The following STX8 variants were observed in gnomAD, a reference collection of about 807,000 sequenced individuals.
STX8 encodes syntaxin 8, also known as syntaxin-8.
A neutral mutation model predicts 37.5 loss-of-function variants in STX8; 23 were observed. The ratio of observed to expected loss-of-function variants is 0.61; its 90% CI spans 0.44 to 0.87. STX8 has a LOEUF of 0.87. Among genes scored for constraint, STX8 ranks in the 40% least tolerant of loss-of-function variants. STX8 has a pLI of 0.00. For missense variants in STX8, 313 were observed against 284.7 expected (o/e 1.10, Z -0.71); for synonymous variants, 115 against 99.1 (o/e 1.16, Z -0.95).
At chr17:9,527,826 A>G (rs1905640822) in intron 4 of STX8, among the ~76,000 whole-genome samples, 1 of 152,226 alleles carries the variant, frequency 6.6e-6, no homozygotes. Flanking sequence ...GGTGGTACCT[A>G]TTACATCTTT....
At position 9,488,823 on chromosome 17, in the gene STX8, T is replaced by A. The variant is rs1040924386; in HGVS notation, c.541+3006A>T. 1.0e-3 allele frequency among the ~76,000 whole-genome samples: 150 copies of A among 143,196 alleles called. 2 individuals are homozygous for A. Among genetic ancestry groups the A allele is most frequent in the East Asian group, 5.2e-3 (24 of 4,608 alleles). The allele number at this position is 143,196 out of a possible 152,430, so 93.9% of individuals were successfully genotyped here. ...GAAAGAGAGAGAGAGAGAGAGAGAG[T>A]GTGTGTGTGTGTGTGTGTGTGTGTT... On this transcript the variant is annotated intron_variant, in intron 6 of 7. Transcript: ENST00000306357.
At chr17:9,376,461 T>C (rs1911589838) in intron 7 of STX8, among the ~76,000 whole-genome samples, 1 of 151,974 alleles carries the variant, frequency 6.6e-6, no homozygotes, top group Admixed American at 6.6e-5. Context: ...CTCTGTAAAA[T>C]GGACCAATCA....
intron 6 of STX8, among the ~76,000 whole-genome samples, chr17:9,402,353 T>A (rs1434625659): frequency 6.6e-6 from 1 of 152,156 alleles, no homozygotes; most frequent in African/African-American, 2.4e-5. Context: ...ACTCCTGATC[T>A]CAGGTGATCT....
intron 7 of STX8, among the ~76,000 whole-genome samples, chr17:9,366,139 T>C (rs1451186672): frequency 6.6e-6 from 1 of 152,238 alleles, no homozygotes; most frequent in Non-Finnish European, 1.5e-5. Context: ...AGACAGGCTA[T>C]GTCTTAGAGA....
intron 7 of STX8, among the ~76,000 whole-genome samples, chr17:9,324,126 T>TCACACACACA (rs35942102): frequency 2.9e-5 from 4 of 135,600 alleles, no homozygotes; most frequent in South Asian, 2.2e-4. Flanking sequence ...TCTCTCTCTC[T>TCACACACACA]CACACACACA....
chr17:9,324,126 T>A (rs7217612), intron 7 of STX8, among the ~76,000 whole-genome samples: 4,003 of 135,504 alleles, frequency 0.03, 77 homozygotes, highest in African/African-American at 0.069. Flanking sequence ...TCTCTCTCTC[T>A]CACACACACA....
At chr17:9,567,204 C>G (rs1387084970) in intron 2 of STX8, among the ~76,000 whole-genome samples, 4 of 152,124 alleles carry the variant, frequency 2.6e-5, no homozygotes, top group Non-Finnish European at 2.9e-5. Context: ...AAGTGCTAGG[C>G]TTCATACCTG....
intron 6 of STX8, among the ~76,000 whole-genome samples, chr17:9,388,330 C>T (rs998787728): frequency 1.3e-5 from 2 of 151,346 alleles, no homozygotes; most frequent in South Asian, 4.2e-4. Flanking sequence ...CCTCTGTCTC[C>T]CAAAGTGCTG....
intron 6 of STX8, among the ~76,000 whole-genome samples, chr17:9,422,026 C>A (rs1477408281): frequency 6.6e-6 from 1 of 152,234 alleles, no homozygotes; most frequent in East Asian, 1.9e-4. Context: ...CCTCGCCGAG[C>A]CATGCTTCCT....
Position 9,314,344 on chromosome 17 carries a change from A to G in STX8, c.644-63699T>C, listed in dbSNP as rs182957445. ...TTCTGGGTCTTGCTATACTTATACT[A>G]CAGACTTCCCATTAGATCATGAGAT... On this transcript the variant is annotated intron_variant, in intron 7 of 7. Coordinates refer to ENST00000306357, the MANE Select transcript of STX8 (RefSeq NM_004853.3). Among the ~76,000 whole-genome samples the G allele has an allele frequency of 5.3e-5, 8 of 152,248 alleles. No homozygotes were observed. The East Asian group carries it at 1.5e-3, about 29-fold the overall frequency.
At chr17:9,278,962 C>T (rs912179296) in intron 7 of STX8, among the ~76,000 whole-genome samples, 3 of 152,148 alleles carry the variant, frequency 2.0e-5, no homozygotes. Context: ...ACATCAAGCA[C>T]TGTACTCTTG....
At chr17:9,574,144 G>A (rs1489150135) in intron 1 of STX8, among the ~76,000 whole-genome samples, 1 of 151,630 alleles carries the variant, frequency 6.6e-6, no homozygotes, top group Non-Finnish European at 1.5e-5. Flanking sequence ...GGCTGCGTGC[G>A]CCTGTAGTCC....
intron 3 of STX8, among the ~76,000 whole-genome samples, chr17:9,548,988 A>G (rs1033362135): frequency 2.0e-5 from 3 of 152,204 alleles, no homozygotes; most frequent in African/African-American, 7.2e-5. Flanking sequence ...GCTAATTAAT[A>G]AAAACACAAG....
intron 7 of STX8, among the ~76,000 whole-genome samples, chr17:9,355,916 T>G (rs1422263866): frequency 2.0e-5 from 3 of 152,022 alleles, no homozygotes; most frequent in Non-Finnish European, 2.9e-5. Flanking sequence ...CCCTCCAAAG[T>G]GCTGGGATTA....
At chr17:9,289,747 T>C (rs1045477992) in intron 7 of STX8, among the ~76,000 whole-genome samples, 2 of 151,342 alleles carry the variant, frequency 1.3e-5, no homozygotes, top group African/African-American at 4.9e-5. Context: ...GCCACTGCAG[T>C]CCAGCCTGGG....
intron 7 of STX8, among the ~76,000 whole-genome samples, chr17:9,320,168 A>C (rs1382616425): frequency 2.0e-5 from 3 of 151,960 alleles, no homozygotes; most frequent in Admixed American, 6.6e-5. Context: ...TCCCGTCTCT[A>C]CTAAAAATAC....
chr17:9,286,921 T>G (rs2142158561), intron 7 of STX8, among the ~76,000 whole-genome samples: 1 of 152,236 alleles, frequency 6.6e-6, no homozygotes, highest in Middle Eastern at 3.4e-3. Flanking sequence ...GGCCCTCACC[T>G]CTCAGGGTCT....
intron 3 of STX8, chr17:9,554,691 G>C (rs1906899422): frequency 6.6e-6 from 1 of 152,158 alleles, no homozygotes; most frequent in Non-Finnish European, 1.5e-5. Context: ...GATCACCTGA[G>C]GTCAGGAGTT....
intron 4 of STX8, among the ~76,000 whole-genome samples, chr17:9,526,381 G>A (rs936669611): frequency 2.0e-5 from 3 of 151,964 alleles, no homozygotes; most frequent in African/African-American, 7.2e-5. Flanking sequence ...GCCTAAGACC[G>A]CCCCCACCCG....
Sources: allele counts gnomAD v4.1 joint callset (sites outside exome capture counted in the v4.1 genomes callset), GRCh38; gene constraint gnomAD v4.1.1; transcripts MANE v1.5; gene names NCBI Gene and HGNC (gene_info 2026-07-23, HGNC 2026-07-21).